SDK1: variants seen among roughly 807,000 people sequenced by gnomAD.
The protein encoded by SDK1 is sidekick cell adhesion molecule 1.
In SDK1, 157 loss-of-function variants were observed where a neutral mutation model predicts 245.5. That is an observed-to-expected ratio of 0.64 (90% CI 0.56 to 0.73). The LOEUF is 0.73. Ranked by LOEUF, SDK1 falls within the 30% of genes least tolerant of loss-of-function variation. The pLI, the probability that SDK1 is intolerant of heterozygous loss-of-function variation, is 0.00. For synonymous variants in SDK1, 1,647 were observed against 1,278.5 expected (o/e 1.29, Z -6.15); for missense variants, 3,583 against 3,002.3 (o/e 1.19, Z -4.52).
chr7:3,790,053 T>C (rs151151503), intron 4 of SDK1, among the ~76,000 whole-genome samples: 4 of 152,020 alleles, frequency 2.6e-5, no homozygotes, highest in South Asian at 4.2e-4. Context: ...AGCGGAGAAG[T>C]TGAGAAAGAC....
intron 1 of SDK1, among the ~76,000 whole-genome samples, chr7:3,588,472 C>T (rs2128634854): frequency 6.6e-6 from 1 of 152,284 alleles, no homozygotes; most frequent in African/African-American, 2.4e-5. Context: ...AAGCCCCCAG[C>T]TCGAAGTGTT....
intron 1 of SDK1, among the ~76,000 whole-genome samples, chr7:3,314,074 G>A (rs1779609736): frequency 6.6e-6 from 1 of 152,116 alleles, no homozygotes; most frequent in African/African-American, 2.4e-5. Flanking sequence ...AAAATACAGC[G>A]CCAATGTGCA....
At chr7:3,939,432 G>A (rs1320826033) in intron 5 of SDK1, among the ~76,000 whole-genome samples, 10 of 152,228 alleles carry the variant, frequency 6.6e-5, no homozygotes, top group Non-Finnish European at 1.3e-4. Context: ...ACGTGTGGAA[G>A]GTAAAGGGTG....
intron 5 of SDK1, among the ~76,000 whole-genome samples, chr7:3,868,186 T>C (rs1046147530): frequency 7.2e-5 from 11 of 152,230 alleles, no homozygotes; most frequent in African/African-American, 2.7e-4. Context: ...TCAGGTAACC[T>C]GTCATCACCC....
intron 4 of SDK1, among the ~76,000 whole-genome samples, chr7:3,763,744 A>G (rs779750041): frequency 9.2e-5 from 14 of 152,196 alleles, no homozygotes; most frequent in Non-Finnish European, 1.9e-4. Context: ...CAAATATTTT[A>G]TATCTCTATC....
chr7:3,463,885 G>T (rs1457386570), intron 1 of SDK1, among the ~76,000 whole-genome samples: 1 of 152,158 alleles, frequency 6.6e-6, no homozygotes, highest in African/African-American at 2.4e-5. Flanking sequence ...CACATTCCAG[G>T]CATAAGGGCC....
At chr7:3,791,106 G>T (rs114512157) in intron 4 of SDK1, among the ~76,000 whole-genome samples, 34 of 151,964 alleles carry the variant, frequency 2.2e-4, no homozygotes, top group African/African-American at 8.0e-4. Flanking sequence ...TACTCTTAAA[G>T]CTCTTAGAAC....
At chr7:4,016,685 G>A (rs183250874) in intron 16 of SDK1, among the ~76,000 whole-genome samples, 32 of 152,220 alleles carry the variant, frequency 2.1e-4, no homozygotes, top group African/African-American at 6.7e-4. Flanking sequence ...TTTCAAAGCC[G>A]CTGATTCTTG....
chr7:3,740,189 A>G (rs527518663), intron 4 of SDK1, among the ~76,000 whole-genome samples: 1 of 152,248 alleles, frequency 6.6e-6, no homozygotes, highest in African/African-American at 2.4e-5. Context: ...GTCAGAGGTG[A>G]CGTACACTGT....
At chr7:3,992,177 A>G (rs1027398592) in intron 14 of SDK1, among the ~76,000 whole-genome samples, 3 of 152,170 alleles carry the variant, frequency 2.0e-5, no homozygotes, top group African/African-American at 7.2e-5. Context: ...CAGGCACTTG[A>G]TAGCCTCTGC....
intron 1 of SDK1, among the ~76,000 whole-genome samples, chr7:3,463,979 A>G (rs564019387): frequency 1.3e-5 from 2 of 152,210 alleles, no homozygotes; most frequent in Non-Finnish European, 2.9e-5. Context: ...CCAGAGGACC[A>G]GGCAGATGTC....
chr7:3,675,165 A>G (rs1783853025), intron 4 of SDK1, among the ~76,000 whole-genome samples: 2 of 152,166 alleles, frequency 1.3e-5, no homozygotes, highest in African/African-American at 2.4e-5. Flanking sequence ...AGTCTATATC[A>G]TATCATTTCA....
At chr7:3,486,979 T>G (rs944627639) in intron 1 of SDK1, among the ~76,000 whole-genome samples, 3 of 152,216 alleles carry the variant, frequency 2.0e-5, no homozygotes, top group Non-Finnish European at 2.9e-5. Flanking sequence ...TAGCTATCTT[T>G]TTATGGTCTG....
chr7:3,702,871 T>C (rs1453983841), intron 4 of SDK1, among the ~76,000 whole-genome samples: 1 of 152,088 alleles, frequency 6.6e-6, no homozygotes, highest in African/African-American at 2.4e-5. Flanking sequence ...GAAATGCAGA[T>C]TGAAACCAAA....
chr7:3,900,985 C>G (rs1292127449), intron 5 of SDK1, among the ~76,000 whole-genome samples: 1 of 151,882 alleles, frequency 6.6e-6, no homozygotes, highest in Admixed American at 6.6e-5. Flanking sequence ...TTTTTCAATT[C>G]TAGCGTCCAA....
chr7:4,090,825 A>C (rs557450556), intron 22 of SDK1, among the ~76,000 whole-genome samples: 3 of 152,228 alleles, frequency 2.0e-5, no homozygotes, highest in Non-Finnish European at 4.4e-5. Context: ...ATCTAGCCAC[A>C]CATACTGAAA....
intron 35 of SDK1, among the ~76,000 whole-genome samples, chr7:4,196,701 T>A (rs672566): frequency 6.6e-6 from 1 of 152,028 alleles, no homozygotes; most frequent in Non-Finnish European, 1.5e-5. Context: ...AGGGCTGGAA[T>A]TGCCTGCTGA....
At chr7:3,437,777 T>A (rs191286243) in intron 1 of SDK1, among the ~76,000 whole-genome samples, 2 of 152,154 alleles carry the variant, frequency 1.3e-5, no homozygotes, top group East Asian at 3.9e-4. Flanking sequence ...ACTAAAAAAA[T>A]TAGATATGAT....
At chr7:3,869,563 G>A (rs1780908831) in intron 5 of SDK1, among the ~76,000 whole-genome samples, 1 of 152,142 alleles carries the variant, frequency 6.6e-6, no homozygotes, top group African/African-American at 2.4e-5. Flanking sequence ...GCCACCCTGT[G>A]CCCCCAGCCC....
Sources: gnomAD v4.1 joint callset for allele counts (sites outside exome capture counted in the v4.1 genomes callset) on GRCh38, gnomAD v4.1.1 for gene constraint, MANE v1.5 for transcripts, NCBI Gene and HGNC (gene_info 2026-07-23, HGNC 2026-07-21) for gene names.